CNTLN: variants seen among roughly 807,000 people sequenced by gnomAD.
The protein encoded by CNTLN is centlein, centrosomal protein.
Under a neutral mutation model 180.0 loss-of-function variants are expected in CNTLN, and 212 were observed. The observed-to-expected ratio is 1.18, with a 90% CI of 1.05 to 1.32. The LOEUF is 1.32. CNTLN is among the 40% of genes most tolerant of loss of function. The pLI is 0.00. For synonymous variants in CNTLN, 722 were observed against 563.1 expected (o/e 1.28, Z -3.99); for missense variants, 2,095 against 1,610.9 (o/e 1.30, Z -5.14).
At chr9:17,362,775 C>G (rs1823503109) in intron 12 of CNTLN, among the ~76,000 whole-genome samples, 1 of 151,966 alleles carries the variant, frequency 6.6e-6, no homozygotes, top group South Asian at 2.1e-4. Flanking sequence ...TTCTGGGATA[C>G]ATGTGCAGAG....
chr9:17,511,768 C>G, the CNTLN span, among the ~76,000 whole-genome samples: 1 of 152,054 alleles, frequency 6.6e-6, no homozygotes, highest in South Asian at 2.1e-4. Context: ...TCATGAGCTG[C>G]CCACCACAGC....
At chr9:17,444,055 A>G (rs1353321426) in intron 18 of CNTLN, 2 of 152,232 alleles carry the variant, frequency 1.3e-5, no homozygotes, top group Non-Finnish European at 2.9e-5. Flanking sequence ...CAAGTGATAG[A>G]AACAGACTTC....
downstream of CNTLN, among the ~76,000 whole-genome samples, chr9:17,506,181 CATG>C (rs1833929530): frequency 6.6e-6 from 1 of 151,888 alleles, no homozygotes; most frequent in Non-Finnish European, 1.5e-5. Flanking sequence ...TAGAATATAA[CATG>C]AGAGAAAATC....
At chr9:17,443,098 T>C (rs1830202268) in intron 18 of CNTLN, among the ~76,000 whole-genome samples, 1 of 152,200 alleles carries the variant, frequency 6.6e-6, no homozygotes, top group South Asian at 2.1e-4. Context: ...CTTTTTGAAA[T>C]CAGGAAGAAT....
chr9:17,471,589 A>G (rs11999339), intron 23 of CNTLN, among the ~76,000 whole-genome samples: 4,434 of 152,192 alleles, frequency 0.029, 206 homozygotes, highest in African/African-American at 0.1. Flanking sequence ...ACTTTGTGCC[A>G]TACAGTGTTT....
At chr9:17,291,994 G>A (rs1295905984) in intron 6 of CNTLN, among the ~76,000 whole-genome samples, 1 of 152,146 alleles carries the variant, frequency 6.6e-6, no homozygotes, top group Non-Finnish European at 1.5e-5. Context: ...GGTAGGCCTG[G>A]TGGTGACTAA....
chr9:17,528,206 G>C, the CNTLN span, among the ~76,000 whole-genome samples: 1 of 152,184 alleles, frequency 6.6e-6, no homozygotes, highest in African/African-American at 2.4e-5. Flanking sequence ...ACACATTATA[G>C]AAAGCAGGGG....
At chr9:17,359,954 G>T (rs1461742887) in intron 12 of CNTLN, among the ~76,000 whole-genome samples, 1 of 151,616 alleles carries the variant, frequency 6.6e-6, no homozygotes, top group East Asian at 1.9e-4. Context: ...ACATACTAAT[G>T]GCCAATAAGC....
intron 7 of CNTLN, among the ~76,000 whole-genome samples, chr9:17,307,323 C>T (rs1056515882): frequency 8.5e-5 from 13 of 152,090 alleles, no homozygotes; most frequent in Admixed American, 8.5e-4. Flanking sequence ...GACTGGAGTG[C>T]AGTGGCACAA....
chr9:17,230,759 C>A (rs967963740), intron 3 of CNTLN, among the ~76,000 whole-genome samples: 1 of 152,038 alleles, frequency 6.6e-6, no homozygotes, highest in African/African-American at 2.4e-5. Context: ...CCTGTGACAA[C>A]ATGACAGGGG....
chr9:17,226,996 A>G (rs546965177), intron 3 of CNTLN, among the ~76,000 whole-genome samples: 8 of 151,988 alleles, frequency 5.3e-5, no homozygotes, highest in Non-Finnish European at 1.2e-4. Flanking sequence ...GGTTTGTTAC[A>G]TAGGTATACA....
At chr9:17,239,563 T>A (rs1458578156) in intron 5 of CNTLN, among the ~76,000 whole-genome samples, 1 of 152,214 alleles carries the variant, frequency 6.6e-6, no homozygotes, top group Non-Finnish European at 1.5e-5. Context: ...TCATGAAGAT[T>A]GACACCTTTG....
Position 17,486,976 on chromosome 9 carries a change from T to A in CNTLN, c.4042-13T>A, listed in dbSNP as rs1368172524. 1.3e-6 allele frequency: 2 copies of A among 1,511,806 alleles called. No individual in the cohort carries two copies. Among genetic ancestry groups the A allele is most frequent in the Non-Finnish European group, 1.8e-6 (2 of 1,108,958 alleles). The allele number at this position is 1,511,806 out of a possible 1,614,324, so 93.6% of individuals were successfully genotyped here. On this transcript the variant is annotated splice_polypyrimidine_tract_variant and intron_variant, in intron 24 of 25. Coordinates refer to ENST00000380647, the MANE Select transcript of CNTLN (RefSeq NM_017738.4). Reference sequence around the variant, plus strand: ...ATTTCGTTAACACCAGTGTTTTTATTTTTTTTCTTCAGGAAATTGAAAAAA... The same window carrying A: ...ATTTCGTTAACACCAGTGTTTTTATATTTTTTCTTCAGGAAATTGAAAAAA...
At chr9:17,163,278 G>A (rs934464527) in intron 2 of CNTLN, among the ~76,000 whole-genome samples, 3 of 152,086 alleles carry the variant, frequency 2.0e-5, no homozygotes, top group African/African-American at 4.8e-5. Flanking sequence ...GATTTGGGTG[G>A]GGACACAGCC....
chr9:17,222,644 C>G (rs1198908581), intron 2 of CNTLN, among the ~76,000 whole-genome samples: 1 of 152,030 alleles, frequency 6.6e-6, no homozygotes, highest in Non-Finnish European at 1.5e-5. Flanking sequence ...AAGTAAACCT[C>G]TTTTTCTTCC....
At chr9:17,493,316 A>C in intron 25 of CNTLN, among the ~76,000 whole-genome samples, 1 of 152,164 alleles carries the variant, frequency 6.6e-6, no homozygotes, top group East Asian at 1.9e-4. Context: ...GGTAATATTC[A>C]TTTCCATTAT....
intron 12 of CNTLN, among the ~76,000 whole-genome samples, chr9:17,346,010 A>G (rs1231510539): frequency 6.6e-6 from 1 of 152,094 alleles, no homozygotes; most frequent in Non-Finnish European, 1.5e-5. Context: ...CATTATTTGT[A>G]TTATTCTGTT....
intron 18 of CNTLN, among the ~76,000 whole-genome samples, chr9:17,438,173 T>C (rs929667083): frequency 1.6e-4 from 24 of 152,116 alleles, no homozygotes; most frequent in African/African-American, 5.1e-4. Flanking sequence ...GCCCTGTACC[T>C]TGGTAGTTTT....
At chr9:17,268,593 A>T (rs1827686345) in intron 5 of CNTLN, among the ~76,000 whole-genome samples, 2 of 152,160 alleles carry the variant, frequency 1.3e-5, no homozygotes, top group Non-Finnish European at 1.5e-5. Context: ...TTATGTCTGC[A>T]GAGGTTACTG....
Sources: gnomAD v4.1 joint callset for allele counts (sites outside exome capture counted in the v4.1 genomes callset) on GRCh38, gnomAD v4.1.1 for gene constraint, MANE v1.5 for transcripts, NCBI Gene and HGNC (gene_info 2026-07-23, HGNC 2026-07-21) for gene names.